The following IL1RAPL2 variants were observed in gnomAD, a reference collection of about 807,000 sequenced individuals.
The protein encoded by IL1RAPL2 is interleukin 1 receptor accessory protein like 2.
IL1RAPL2 carries 3 observed loss-of-function variants against 44.1 expected under a neutral mutation model. That is an observed-to-expected ratio of 0.07 (90% CI 0.03 to 0.18). The LOEUF is 0.18. IL1RAPL2 is among the 10% of genes least tolerant of loss of function. IL1RAPL2 has a pLI of 1.00. For missense variants in IL1RAPL2, 391 were observed against 496.4 expected, an observed-to-expected ratio of 0.79 and a Z score of 2.02; for synonymous variants, 181 against 178.8, an observed-to-expected ratio of 1.01 and a Z score of -0.10.
intron 2 of IL1RAPL2, among the ~76,000 whole-genome samples, chrX:104,940,509 T>C (rs953800902): frequency 2.7e-5 from 3 of 111,348 alleles, no homozygotes; most frequent in Non-Finnish European, 3.8e-5. Flanking sequence ...AGAAGATACT[T>C]GGGAGAAGTT....
chrX:105,057,147 A>AT (rs397797110), intron 2 of IL1RAPL2, among the ~76,000 whole-genome samples: 6 of 109,800 alleles, frequency 5.5e-5, no homozygotes, highest in Non-Finnish European at 1.1e-4. Flanking sequence ...AAGCAACAAA[A>AT]TGCTTTCTGC....
At chrX:105,220,894 T>A (rs782239005) in intron 3 of IL1RAPL2, among the ~76,000 whole-genome samples, 1 of 111,679 alleles carries the variant, frequency 9.0e-6, no homozygotes, top group African/African-American at 3.3e-5. Flanking sequence ...AATTAAGCCC[T>A]TATAATCAAG....
chrX:105,641,329 C>T (rs1313657670), intron 6 of IL1RAPL2, among the ~76,000 whole-genome samples: 1 of 111,448 alleles, frequency 9.0e-6, no homozygotes, highest in Non-Finnish European at 1.9e-5. Flanking sequence ...ATGCCAGGCA[C>T]TCTGCTAGGT....
chrX:104,682,785 GAGA>G (rs1195181648), intron 2 of IL1RAPL2, among the ~76,000 whole-genome samples: 2 of 112,276 alleles, frequency 1.8e-5, no homozygotes, highest in Non-Finnish European at 3.8e-5. Context: ...ACAGCTAGGG[GAGA>G]AGAAGTAATC....
chrX:104,941,737 C>A (rs1925181062), intron 2 of IL1RAPL2, among the ~76,000 whole-genome samples: 2 of 111,672 alleles, frequency 1.8e-5, no homozygotes, highest in Admixed American at 1.9e-4. Flanking sequence ...ACTTTTGTTG[C>A]CATTGCTTTT....
chrX:104,946,409 A>AAAAAAAAAAAC (rs1163144267), intron 2 of IL1RAPL2, among the ~76,000 whole-genome samples: 8 of 84,967 alleles, frequency 9.4e-5, no homozygotes, highest in Admixed American at 1.4e-4. Flanking sequence ...AAAAAAAAAA[A>AAAAAAAAAAAC]CTTTTTAAAA....
intron 4 of IL1RAPL2, among the ~76,000 whole-genome samples, chrX:105,238,956 A>C (rs781966634): frequency 9.0e-6 from 1 of 111,684 alleles, no homozygotes; most frequent in Non-Finnish European, 1.9e-5. Context: ...AATACAGTAC[A>C]CCAAGGGGAC....
At chrX:105,668,393 A>G (rs2037788805) in intron 6 of IL1RAPL2, among the ~76,000 whole-genome samples, 1 of 112,641 alleles carries the variant, frequency 8.9e-6, no homozygotes, top group Non-Finnish European at 1.9e-5. Flanking sequence ...AGAGGAAAAA[A>G]GGAGTTAAAT....
chrX:105,648,569 A>T (rs1468381321), intron 6 of IL1RAPL2, among the ~76,000 whole-genome samples: 3 of 111,560 alleles, frequency 2.7e-5, no homozygotes, highest in Non-Finnish European at 5.7e-5. Context: ...AGCACTTCAC[A>T]AAGTGAAGTG....
intron 5 of IL1RAPL2, among the ~76,000 whole-genome samples, chrX:105,450,496 T>G (rs1454564241): frequency 9.0e-6 from 1 of 111,653 alleles, no homozygotes; most frequent in Non-Finnish European, 1.9e-5. Flanking sequence ...TAACAGCCAA[T>G]CAACAACTAT....
At chrX:105,420,632 GT>G (rs2035767795) in intron 5 of IL1RAPL2, among the ~76,000 whole-genome samples, 1 of 111,923 alleles carries the variant, frequency 8.9e-6, no homozygotes, top group African/African-American at 3.2e-5. Context: ...ATATCCACAG[GT>G]TTATGTCCCT....
At chrX:105,031,434 T>A (rs1406217153) in intron 2 of IL1RAPL2, among the ~76,000 whole-genome samples, 1 of 111,741 alleles carries the variant, frequency 8.9e-6, no homozygotes, top group Non-Finnish European at 1.9e-5. Flanking sequence ...ACCTAATTTA[T>A]TGAGAGTTTT....
chrX:105,660,574 T>C (rs1425331404), intron 6 of IL1RAPL2, among the ~76,000 whole-genome samples: 2 of 111,198 alleles, frequency 1.8e-5, no homozygotes, highest in African/African-American at 6.5e-5. Context: ...ATAACAACTT[T>C]CCAAGACATA....
chrX:104,614,742 GTTGAA>G (rs1929234076), intron 1 of IL1RAPL2, among the ~76,000 whole-genome samples: 1 of 111,928 alleles, frequency 8.9e-6, no homozygotes, highest in Non-Finnish European at 1.9e-5. Context: ...TAGTCTTCTT[GTTGAA>G]TTGAACCCTT....
At chrX:105,380,647 A>G (rs930946349) in intron 5 of IL1RAPL2, among the ~76,000 whole-genome samples, 5 of 111,724 alleles carry the variant, frequency 4.5e-5, no homozygotes, top group African/African-American at 6.5e-5. Context: ...ATTTTGCCAC[A>G]ATGTCCAAAA....
intron 6 of IL1RAPL2, among the ~76,000 whole-genome samples, chrX:105,507,564 G>T (rs1021695297): frequency 6.3e-5 from 7 of 111,290 alleles, no homozygotes; most frequent in Non-Finnish European, 1.9e-5. Flanking sequence ...GGCTAAAGTT[G>T]TACTATTTTT....
chrX:105,574,541 C>A lies in IL1RAPL2; in HGVS notation c.772+90154C>A, dbSNP rs144578471. On this transcript the variant is annotated intron_variant, in intron 6 of 10. Coordinates refer to ENST00000372582, the MANE Select transcript of IL1RAPL2 (RefSeq NM_017416.2). ...TCACGTCTGAGAATATGATTCACAG[C>A]TCAATGACACTAGCTTTCCCAGAGC... 1.1e-4 allele frequency among the ~76,000 whole-genome samples: 12 copies of A among 111,987 alleles called. No individual in the cohort carries two copies. The East Asian group carries it at 2.6e-3, about 24-fold the overall frequency.
chrX:105,597,072 G>A (rs1375873003), intron 6 of IL1RAPL2, among the ~76,000 whole-genome samples: 1 of 111,659 alleles, frequency 9.0e-6, no homozygotes, highest in Non-Finnish European at 1.9e-5. Flanking sequence ...TTATATATCT[G>A]ATAAGAGGTT....
At chrX:104,897,601 A>G (rs1030001145) in intron 2 of IL1RAPL2, among the ~76,000 whole-genome samples, 3 of 112,471 alleles carry the variant, frequency 2.7e-5, no homozygotes, top group African/African-American at 9.7e-5. Flanking sequence ...TTAATCTACT[A>G]TAAAAGTTAT....
Sources: gnomAD v4.1 joint callset for allele counts (sites outside exome capture counted in the v4.1 genomes callset) on GRCh38, gnomAD v4.1.1 for gene constraint, MANE v1.5 for transcripts, NCBI Gene and HGNC (gene_info 2026-07-23, HGNC 2026-07-21) for gene names.